Variants in ZNF385D observed in about 807,000 individuals in gnomAD.
The protein encoded by ZNF385D is zinc finger protein 385D, also known as zinc finger protein 659.
Under a neutral mutation model 35.8 loss-of-function variants are expected in ZNF385D, and 15 were observed. The observed-to-expected ratio is 0.42, with a 90% CI of 0.28 to 0.64. ZNF385D has a LOEUF of 0.64. Ranked by LOEUF, ZNF385D falls within the 30% of genes least tolerant of loss-of-function variation. The probability of loss-of-function intolerance (pLI) is 0.23; values close to 1 mark genes in which losing one functional copy is unlikely to be tolerated. For synonymous variants in ZNF385D, 212 were observed against 186.8 expected (o/e 1.13, Z -1.10); for missense variants, 474 against 494.6 (o/e 0.96, Z 0.39).
upstream of ZNF385D, among the ~76,000 whole-genome samples, chr3:21,755,684 C>T (rs941684081): frequency 9.2e-5 from 14 of 152,140 alleles, no homozygotes; most frequent in African/African-American, 3.4e-4. Flanking sequence ...TTGTATGTAA[C>T]CCAAATGAAA....
chr3:22,043,941 A>G (rs1192816163), intron 3 of ZNF385D, among the ~76,000 whole-genome samples: 1 of 152,140 alleles, frequency 6.6e-6, no homozygotes, highest in Non-Finnish European at 1.5e-5. Flanking sequence ...AAGGACTTGA[A>G]GTCCACAGTC....
rs78971991 is a variant in ZNF385D, at chr3:21,723,021, C to T, written c.22+27874G>A. On this transcript the variant is annotated intron_variant, in intron 1 of 7. Transcript: ENST00000281523. ...CATGTGCTTCCTTCCAGTCTTGATG[C>T]CTCAGAGCTGAGCCTGCTCATGTTA... is the stretch of plus-strand genomic sequence containing the variant. Among the ~76,000 whole-genome samples, 726 of 152,284 alleles carry T rather than the reference C, an allele frequency of 4.8e-3. 4 individuals carry two copies. Among genetic ancestry groups the T allele is most frequent in the Non-Finnish European group, 7.9e-3 (537 of 68,012 alleles).
chr3:21,461,870 A>C (rs928650047), intron 4 of ZNF385D, among the ~76,000 whole-genome samples: 3 of 152,240 alleles, frequency 2.0e-5, no homozygotes, highest in African/African-American at 4.8e-5. Flanking sequence ...AACTTGGACA[A>C]AGACATATCT....
chr3:22,064,334 GA>G (rs1698405943), intron 3 of ZNF385D, among the ~76,000 whole-genome samples: 1 of 152,172 alleles, frequency 6.6e-6, no homozygotes, highest in South Asian at 2.1e-4. Flanking sequence ...AGATTTTTGT[GA>G]TAATTTGCAT....
At chr3:21,719,260 G>A (rs1422784422) in intron 1 of ZNF385D, among the ~76,000 whole-genome samples, 1 of 152,200 alleles carries the variant, frequency 6.6e-6, no homozygotes, top group African/African-American at 2.4e-5. Context: ...GTCACGTTAT[G>A]TACTTGTTAC....
chr3:22,177,786 A>G (rs1694935686), intron 2 of ZNF385D, among the ~76,000 whole-genome samples: 1 of 152,054 alleles, frequency 6.6e-6, no homozygotes, highest in African/African-American at 2.4e-5. Flanking sequence ...TCCTGTGCCC[A>G]TGTGTTCTCA....
chr3:22,266,580 A>G (rs1450700503), intron 2 of ZNF385D, among the ~76,000 whole-genome samples: 4 of 151,914 alleles, frequency 2.6e-5, no homozygotes, highest in Non-Finnish European at 5.9e-5. Flanking sequence ...GAGACAGGCC[A>G]ATGTAAGAGC....
intron 2 of ZNF385D, among the ~76,000 whole-genome samples, chr3:22,215,042 T>C (rs1193370007): frequency 1.3e-5 from 2 of 152,008 alleles, no homozygotes; most frequent in Non-Finnish European, 2.9e-5. Context: ...AATTTCTCTC[T>C]TTTGTACTCT....
chr3:21,594,465 A>G (rs1354050383), intron 2 of ZNF385D, among the ~76,000 whole-genome samples: 1 of 152,176 alleles, frequency 6.6e-6, no homozygotes, highest in Non-Finnish European at 1.5e-5. Flanking sequence ...CAACAGAATG[A>G]TTTCAGGCCC....
intron 3 of ZNF385D, among the ~76,000 whole-genome samples, chr3:21,869,173 A>G (rs1697551093): frequency 6.6e-6 from 1 of 152,096 alleles, no homozygotes; most frequent in African/African-American, 2.4e-5. Context: ...AGCCAATAGA[A>G]AGAGATCATT....
At chr3:21,529,989 G>C (rs147317524) in intron 3 of ZNF385D, among the ~76,000 whole-genome samples, 2 of 152,106 alleles carry the variant, frequency 1.3e-5, no homozygotes, top group Admixed American at 6.6e-5. Flanking sequence ...GTCATGGGGG[G>C]GGTGAACCCT....
At chr3:22,286,262 G>A (rs17011147) in intron 2 of ZNF385D, among the ~76,000 whole-genome samples, 2,357 of 151,940 alleles carry the variant, frequency 0.016, 49 homozygotes, top group African/African-American at 0.052. Flanking sequence ...ACTAATATCC[G>A]CGCCCTCATG....
At chr3:22,029,428 G>C (rs1697779674) in intron 3 of ZNF385D, among the ~76,000 whole-genome samples, 1 of 152,156 alleles carries the variant, frequency 6.6e-6, no homozygotes, top group South Asian at 2.1e-4. Flanking sequence ...TGAAGGTTTG[G>C]TTTACTCCAG....
At chr3:21,917,991 A>C (rs1303590187) in intron 3 of ZNF385D, among the ~76,000 whole-genome samples, 1 of 152,220 alleles carries the variant, frequency 6.6e-6, no homozygotes, top group Non-Finnish European at 1.5e-5. Flanking sequence ...TTATCAAGTT[A>C]CATGAGAGCT....
At chr3:22,109,485 A>G (rs193236092) in intron 3 of ZNF385D, among the ~76,000 whole-genome samples, 1 of 152,304 alleles carries the variant, frequency 6.6e-6, no homozygotes, top group East Asian at 1.9e-4. Context: ...GACAGAAAGC[A>G]TCTTAGAGCT....
intron 3 of ZNF385D, among the ~76,000 whole-genome samples, chr3:21,977,369 T>C (rs947460718): frequency 2.6e-5 from 4 of 152,266 alleles, no homozygotes; most frequent in Admixed American, 6.5e-5. Context: ...AGTATGGTGG[T>C]GGTTGTCTAG....
chr3:22,148,768 GTAAT>G (rs1415150437), intron 3 of ZNF385D, among the ~76,000 whole-genome samples: 1 of 152,092 alleles, frequency 6.6e-6, no homozygotes, highest in Admixed American at 6.6e-5. Context: ...CCAAAGTTAG[GTAAT>G]TAATGGAAAA....
chr3:21,570,105 A>G (rs1158980887), intron 2 of ZNF385D, among the ~76,000 whole-genome samples: 2 of 151,776 alleles, frequency 1.3e-5, no homozygotes, highest in African/African-American at 4.8e-5. Flanking sequence ...AGAATTTTCT[A>G]AATCTATTAA....
intron 3 of ZNF385D, among the ~76,000 whole-genome samples, chr3:21,805,468 T>A (rs144756186): frequency 6.6e-6 from 1 of 152,210 alleles, no homozygotes; most frequent in African/African-American, 2.4e-5. Flanking sequence ...AAGTGAATCA[T>A]GTCCATTCAA....
Sources: allele counts gnomAD v4.1 joint callset (sites outside exome capture counted in the v4.1 genomes callset), GRCh38; gene constraint gnomAD v4.1.1; transcripts MANE v1.5; gene names NCBI Gene and HGNC (gene_info 2026-07-23, HGNC 2026-07-21).